Variants in USP34 observed in about 807,000 individuals in gnomAD.
USP34 encodes the protein ubiquitin carboxyl-terminal hydrolase 34.
A neutral mutation model predicts 460.3 loss-of-function variants in USP34; 70 were observed. That is an observed-to-expected ratio of 0.15 (90% CI 0.13 to 0.19). The LOEUF is 0.19. Ranked by LOEUF, USP34 falls within the 10% of genes least tolerant of loss-of-function variation. The probability of loss-of-function intolerance (pLI) is 1.00; values close to 1 mark genes in which losing one functional copy is unlikely to be tolerated. For missense variants in USP34, 3,985 were observed against 4,236.2 expected (o/e 0.94, Z 1.65); for synonymous variants, 1,647 against 1,405.3 (o/e 1.17, Z -3.85).
intron 5 of USP34, among the ~76,000 whole-genome samples, chr2:61,387,956 C>T (rs962026535): frequency 1.4e-5 from 2 of 141,340 alleles, no homozygotes; most frequent in African/African-American, 6.0e-5. Flanking sequence ...CACACACACA[C>T]ACATATATAT....
intron 1 of USP34, among the ~76,000 whole-genome samples, chr2:61,447,210 G>A (rs937141726): frequency 5.0e-5 from 6 of 119,534 alleles, no homozygotes; most frequent in Admixed American, 4.8e-4. Context: ...AGCAGAGAAC[G>A]CACCACTGCA....
At chr2:61,363,466 G>T (rs1389047936) in intron 10 of USP34, among the ~76,000 whole-genome samples, 3 of 152,162 alleles carry the variant, frequency 2.0e-5, no homozygotes, top group Non-Finnish European at 4.4e-5. Flanking sequence ...TACACACCTA[G>T]GCTATATGCT....
At chr2:61,204,962 C>A (rs1225354772) in intron 72 of USP34, among the ~76,000 whole-genome samples, 1 of 152,052 alleles carries the variant, frequency 6.6e-6, no homozygotes, top group Non-Finnish European at 1.5e-5. Flanking sequence ...GCAAGTGATC[C>A]TCCTGCCTCA....
At chr2:61,418,086 C>CT (rs113786034) in intron 2 of USP34, among the ~76,000 whole-genome samples, 1,462 of 138,828 alleles carry the variant, frequency 0.011, 23 homozygotes, top group African/African-American at 0.035. Context: ...TGTTAACATA[C>CT]TTTTTTTTTT....
At chr2:61,336,657 A>G (rs753939050) in intron 18 of USP34, among the ~76,000 whole-genome samples, 1 of 151,772 alleles carries the variant, frequency 6.6e-6, no homozygotes, top group South Asian at 2.1e-4. Flanking sequence ...TAAAAATACA[A>G]AAGTTAGCTG....
chr2:61,391,928 T>C (rs974582390), intron 5 of USP34, among the ~76,000 whole-genome samples: 1 of 152,154 alleles, frequency 6.6e-6, no homozygotes, highest in African/African-American at 2.4e-5. Context: ...AACAAACAGA[T>C]TATATAGTAT....
At chr2:61,282,489 C>G (rs951207387) in intron 37 of USP34, among the ~76,000 whole-genome samples, 2 of 152,118 alleles carry the variant, frequency 1.3e-5, no homozygotes, top group African/African-American at 4.8e-5. Flanking sequence ...TCTATTTCTA[C>G]TTAAATAGAA....
rs188179477 is a variant in USP34 at position 61,271,239 on chromosome 2, G to A, written c.5434-5072C>T. 3.5e-4 allele frequency among the ~76,000 whole-genome samples: 53 copies of A among 152,296 alleles called. No individual in the cohort carries two copies. The East Asian group carries it at 9.8e-3, about 28-fold the overall frequency. On this transcript the variant is annotated intron_variant, in intron 41 of 79. Transcript: ENST00000398571. The stretch of plus-strand genomic sequence containing the variant: ...GAATCGCTGGAACCTGGAAGGCAGA[G>A]GTTGCAGTGGACCGAGATCGCACCA...
At chr2:61,252,764 G>A (rs1025610043) in intron 48 of USP34, among the ~76,000 whole-genome samples, 2 of 152,162 alleles carry the variant, frequency 1.3e-5, no homozygotes, top group Admixed American at 1.3e-4. Context: ...TAACAATTCT[G>A]AAGAATAACT....
intron 1 of USP34, among the ~76,000 whole-genome samples, chr2:61,454,866 T>G (rs201638149): frequency 0.16 from 18,313 of 112,596 alleles, 1,683 homozygotes; most frequent in East Asian, 0.41. Context: ...GGGGTTTTTT[T>G]TTTCTTTTTT....
intron 67 of USP34, among the ~76,000 whole-genome samples, chr2:61,217,681 C>A (rs1483702595): frequency 6.6e-6 from 1 of 152,200 alleles, no homozygotes; most frequent in East Asian, 1.9e-4. Context: ...ACCAGCAGGG[C>A]ACAGTGGCTC....
chr2:61,189,198 G>A, intron 78 of USP34, 129 bp from the exon 79 acceptor site: 1 of 960,712 alleles, frequency 1.0e-6, no homozygotes, highest in Non-Finnish European at 1.5e-6. Context: ...GGTTTCTCTG[G>A]GATTCTTAGA....
rs759022007 is a variant in USP34 at position 61,256,459 on chromosome 2, G to C, written c.6146C>G (p.Thr2049Ser). Reference sequence around the variant, plus strand: ...ATCACCTTCCAAAGTGTCTTTTATAGTAACTTCATCAAGAGATTCCTGTGT... The same window carrying C: ...ATCACCTTCCAAAGTGTCTTTTATACTAACTTCATCAAGAGATTCCTGTGT... ...KNIYESLDEV[T>S]IKDTLEGDNM... Residue 2049 changes from threonine to serine, a missense_variant, in exon 48 of 80, where the codon ACT (threonine) becomes AGT (serine). Transcript: ENST00000398571. The C allele has an allele frequency of 6.2e-7, 1 of 1,607,496 alleles. No individual in the cohort carries two copies. Among genetic ancestry groups the C allele is most frequent in the Non-Finnish European group, 8.5e-7 (1 of 1,177,134 alleles).
intron 1 of USP34, among the ~76,000 whole-genome samples, chr2:61,437,810 TAAATAAAA>T (rs1694859074): frequency 2.0e-5 from 3 of 150,028 alleles, no homozygotes; most frequent in Middle Eastern, 3.2e-3. Context: ...AATAAATAAA[TAAATAAAA>T]AACCTGAACA....
rs1280758822 is a variant in USP34 at position 61,356,507 on chromosome 2, A to G, written c.1252-5814T>C. Among the ~76,000 whole-genome samples, 6 of 152,188 alleles carry G rather than the reference A, an allele frequency of 3.9e-5. No homozygotes were observed. The East Asian group carries it at 1.2e-3, about 29-fold the overall frequency. On this transcript the variant is annotated intron_variant, in intron 10 of 79. Coordinates refer to ENST00000398571, the MANE Select transcript of USP34 (RefSeq NM_014709.4). ...CACACACACACACACACATACACAC[A>G]CACACTGCAATACTATTCATCCTTA...
At chr2:61,264,784 G>A (rs1316138350) in intron 43 of USP34, among the ~76,000 whole-genome samples, 2 of 152,292 alleles carry the variant, frequency 1.3e-5, no homozygotes, top group East Asian at 3.9e-4. Flanking sequence ...AGGACTTTGG[G>A]AAGCTGAAAT....
chr2:61,420,343 G>A (rs1238458439), intron 2 of USP34, among the ~76,000 whole-genome samples: 1 of 151,968 alleles, frequency 6.6e-6, no homozygotes, highest in Non-Finnish European at 1.5e-5. Flanking sequence ...TTTAGAAATT[G>A]GTCTAATACA....
In USP34 at chr2:61,246,305, T is replaced by C. The variant is rs966210884; in HGVS notation, c.6548+19A>G. 3.3e-6 allele frequency: 5 copies of C among 1,503,970 alleles called. No homozygotes were observed. The highest frequency in any genetic ancestry group is 1.4e-5 in the African/African-American group (1 of 71,052). The allele number at this position is 1,503,970 out of a possible 1,614,324, so 93.2% of individuals were successfully genotyped here. On this transcript the variant is annotated intron_variant, in intron 50 of 79. Coordinates refer to ENST00000398571, the MANE Select transcript of USP34 (RefSeq NM_014709.4). ...CTACCATAAATTGTTAAAGAAGTTT[T>C]GAAATATTTAAAACTCACCATTTAT...
In USP34 at chr2:61,420,840, T is replaced by C. The variant is rs772138396; in HGVS notation, c.44-7A>G. 6.3e-6 allele frequency: 10 copies of C among 1,598,572 alleles called. No individual in the cohort carries two copies. The highest frequency in any genetic ancestry group is 8.5e-6 in the Non-Finnish European group (10 of 1,172,936). On this transcript the variant is annotated splice_region_variant and splice_polypyrimidine_tract_variant and intron_variant, in intron 1 of 79. Coordinates refer to ENST00000398571, the MANE Select transcript of USP34 (RefSeq NM_014709.4). The stretch of plus-strand genomic sequence containing the variant: ...CCACCTTCTACATCTGATACTGAAA[T>C]AAAAAAGAAATTTTAAAATTATGAA...
Sources: gnomAD v4.1 joint callset for allele counts (sites outside exome capture counted in the v4.1 genomes callset) on GRCh38, gnomAD v4.1.1 for gene constraint, MANE v1.5 for transcripts, NCBI Gene and HGNC (gene_info 2026-07-23, HGNC 2026-07-21) for gene names.